Variants in NDOR1 observed in about 807,000 individuals in gnomAD.
NDOR1 encodes NADPH dependent diflavin oxidoreductase 1, also known as NADPH-dependent diflavin oxidoreductase 1.
Under a neutral mutation model 67.2 loss-of-function variants are expected in NDOR1, and 61 were observed. The ratio of observed to expected loss-of-function variants is 0.91; its 90% CI spans 0.74 to 1.12. The LOEUF (loss-of-function observed/expected upper bound fraction) is 1.12, where lower values mean the gene tolerates loss of function less well. Among genes scored for constraint, NDOR1 ranks in the 50% most tolerant of loss-of-function variants. NDOR1 has a pLI of 0.00. For synonymous variants in NDOR1, 378 were observed against 343.7 expected (o/e 1.10, Z -1.10); for missense variants, 878 against 802.8 (o/e 1.09, Z -1.13).
Position 137,214,907 on chromosome 9 carries a change from C to T in NDOR1, c.954C>T (p.Ala318=). Residue 318 remains alanine, a synonymous_variant, in exon 8 of 14, where the codon GCC becomes GCT. Transcript: ENST00000684003. ...GCCGCTCCTTCTTCGAACTCCTGGC[C>T]TGTCTATCCCTCCATGAGCTGGAGC... ...VPRRSFFELL[A]CLSLHELERE... is the part of the protein sequence containing the mutation. 1.9e-6 allele frequency: 3 copies of T among 1,612,942 alleles called. No homozygotes were observed. The highest frequency in any genetic ancestry group is 1.1e-5 in the South Asian group (1 of 91,090).
At position 137,206,292 on chromosome 9, in the gene NDOR1, C is replaced by T. The variant is rs1442067657; in HGVS notation, c.196C>T (p.Pro66Ser). 12 of 1,613,802 alleles carry T rather than the reference C, an allele frequency of 7.4e-6. No homozygotes were observed. The highest frequency in any genetic ancestry group is 1.7e-5 in the Admixed American group (1 of 59,998). Residue 66 changes from proline to serine, a missense_variant, in exon 2 of 14, where the codon CCC becomes TCC. By Grantham distance (74) the Pro-to-Ser change is moderately conservative. Transcript: ENST00000684003. ...FVCATTGQGD[P>S]PDNMKNFWRF... The stretch of plus-strand genomic sequence containing the variant: ...TTGTGCAACTACAGGCCAAGGAGAC[C>T]CCCCTGACAACATGAAGGTAAGGCT...
At chr9:137,211,108 TCCAGCCTGGGCTA>T (rs1478617650) in intron 2 of NDOR1, among the ~76,000 whole-genome samples, 1 of 152,138 alleles carries the variant, frequency 6.6e-6, no homozygotes, top group Non-Finnish European at 1.5e-5. Flanking sequence ...ACCATTGCAC[TCCAGCCTGGGCTA>T]CAGAGTGAGA....
In NDOR1 at chr9:137,216,257, G is replaced by T. The variant is rs370086106; in HGVS notation, c.1650-15G>T. On this transcript the variant is annotated splice_polypyrimidine_tract_variant and intron_variant, in intron 13 of 13. Coordinates refer to ENST00000684003, the MANE Select transcript of NDOR1 (RefSeq NM_014434.4). ...TGCCAGGCCTCATTGCGCCTTCTGC[G>T]ACCTGCCCCTCTAGCAACGCCAAGT... 49 of 1,612,768 alleles carry T rather than the reference G, an allele frequency of 3.0e-5. No individual in the cohort carries two copies. In the African/African-American group the frequency reaches 6.4e-4, roughly 21 times the overall value.
chr9:137,213,953 G>T lies in NDOR1; in HGVS notation c.411-14G>T. The stretch of plus-strand genomic sequence containing the variant: ...GCAGGGTCCGCTCAGGCCAGCGCAC[G>T]TGCTCCCTCCCAGGCCCGACGCTGC... On this transcript the variant is annotated splice_polypyrimidine_tract_variant and intron_variant, in intron 4 of 13. Transcript: ENST00000684003. 6.4e-7 allele frequency: 1 copy of T among 1,569,944 alleles called. No homozygotes were observed. Among genetic ancestry groups the T allele is most frequent in the Non-Finnish European group, 8.6e-7 (1 of 1,158,880 alleles).
chr9:137,211,491 G>A (rs1191784152), intron 2 of NDOR1, among the ~76,000 whole-genome samples: 1 of 152,202 alleles, frequency 6.6e-6, no homozygotes, highest in African/African-American at 2.4e-5. Flanking sequence ...TGCCAGTCGA[G>A]TGAGGGAAAA....
Position 137,212,175 on chromosome 9 carries a change from C to T in NDOR1, c.214-327C>T, listed in dbSNP as rs1753700706. Among the ~76,000 whole-genome samples the T allele has an allele frequency of 6.6e-6, 1 of 152,050 alleles. No homozygotes were observed. The highest frequency in any genetic ancestry group is 2.4e-5 in the African/African-American group (1 of 41,378). On this transcript the variant is annotated intron_variant, in intron 2 of 13. Coordinates refer to ENST00000684003, the MANE Select transcript of NDOR1 (RefSeq NM_014434.4). This position sits in a 1 kb window ranked among gnomAD's most constrained non-coding sequence, Gnocchi z 4.3. ...GACAGTTTGGAGACCAAGTGCAGAGCTGCTCCTGGCAGCTCAGAGCCTGGG... is the reference window on the plus strand; with the variant it reads ...GACAGTTTGGAGACCAAGTGCAGAGTTGCTCCTGGCAGCTCAGAGCCTGGG...
At chr9:137,213,161 C>T (rs1051737091) in intron 3 of NDOR1, among the ~76,000 whole-genome samples, 3 of 152,184 alleles carry the variant, frequency 2.0e-5, no homozygotes, top group Non-Finnish European at 4.4e-5. Context: ...ACGGGAAGAT[C>T]GGAGACAGCT....
chr9:137,218,399 G>A lies in NDOR1; in HGVS notation c.*1983G>A, dbSNP rs984142322. On this transcript the variant is annotated 3_prime_UTR_variant, in exon 14 of 14. Coordinates refer to ENST00000684003, the MANE Select transcript of NDOR1 (RefSeq NM_014434.4). ...GCTGCGCTTCCTGGCAGGGCCCGTG[G>A]GCGGCCGGGGCTGCCTGCCCTTCCT... 2.3e-5 allele frequency: 9 copies of A among 398,476 alleles called. No individual in the cohort carries two copies. The Admixed American group carries it at 2.6e-4, about 12-fold the overall frequency. The allele number at this position is 398,476 out of a possible 1,614,324, so 24.7% of individuals were successfully genotyped here.
chr9:137,214,079 G>T lies in NDOR1; in HGVS notation c.512+11G>T. The T allele has an allele frequency of 8.5e-6, 13 of 1,535,290 alleles. No individual in the cohort carries two copies. The highest frequency in any genetic ancestry group is 1.0e-5 in the Non-Finnish European group (12 of 1,144,322). The stretch of plus-strand genomic sequence containing the variant: ...CCCTCCCGGAGTCCCGTGAGTGTGG[G>T]CCCCGGGTCACCCACAGGCGCAGCA... On this transcript the variant is annotated intron_variant, in intron 5 of 13. Coordinates refer to ENST00000684003, the MANE Select transcript of NDOR1 (RefSeq NM_014434.4).
intron 2 of NDOR1, among the ~76,000 whole-genome samples, chr9:137,210,348 G>A (rs906209812): frequency 2.6e-5 from 4 of 151,980 alleles, no homozygotes; most frequent in Admixed American, 2.6e-4. Context: ...TCAGCCTCCT[G>A]GGTAGCAGGG....
intron 2 of NDOR1, 81 bp downstream of exon 2, chr9:137,206,390 T>A: frequency 1.5e-6 from 2 of 1,376,666 alleles, no homozygotes; most frequent in South Asian, 1.2e-5. Context: ...CTAGGTGCAG[T>A]AAATAGCTCT....
chr9:137,213,906 C>T lies in NDOR1; in HGVS notation c.410+28C>T, dbSNP rs1262413165. ...GAGTCTGCGGGCGTGGTACCCGCCTCCACAGTCTGGTCTGGCCACACGCAG... is the reference window on the plus strand; with the variant it reads ...GAGTCTGCGGGCGTGGTACCCGCCTTCACAGTCTGGTCTGGCCACACGCAG... On this transcript the variant is annotated intron_variant, in intron 4 of 13. Transcript: ENST00000684003. The T allele has an allele frequency of 5.0e-6, 8 of 1,600,274 alleles. 1 individual carries two copies. In the South Asian group the frequency reaches 9.0e-5, roughly 18 times the overall value.
intron 2 of NDOR1, among the ~76,000 whole-genome samples, chr9:137,211,399 A>C (rs1252529514): frequency 6.6e-6 from 1 of 152,028 alleles, no homozygotes; most frequent in African/African-American, 2.4e-5. Context: ...CTGGGGACAG[A>C]GTGCCCTACA....
rs774346059 is a variant in NDOR1, at chr9:137,215,027, G to A, written c.1065+9G>A. On this transcript the variant is annotated intron_variant, in intron 8 of 13. Transcript: ENST00000684003. ...GCAGGACCATCCTGGAGGTGAGATG[G>A]GAGGGCGGCAGGCCCAGCCCCTGAG... is the stretch of plus-strand genomic sequence containing the variant. The A allele has an allele frequency of 1.9e-6, 3 of 1,611,222 alleles. No individual in the cohort carries two copies. The highest frequency in any genetic ancestry group is 1.7e-6 in the Non-Finnish European group (2 of 1,177,910).
Position 137,215,709 on chromosome 9 carries a change from G to A in NDOR1, c.1339G>A (p.Glu447Lys), listed in dbSNP as rs1370161006. Residue 447 changes from glutamate (E) to lysine (K), a missense_variant, in exon 11 of 14, where the codon GAG becomes AAG. By Grantham distance (56) the Glu-to-Lys change is moderately conservative. Coordinates refer to ENST00000684003, the MANE Select transcript of NDOR1 (RefSeq NM_014434.4). The part of the protein sequence containing the change: ...WVRPGSLAFP[E>K]TPDTPVIMVG... ...GCGGCCTGGGAGTCTGGCCTTCCCA[G>A]AGACACCAGACACACCTGTGATCAT... The A allele has an allele frequency of 1.9e-6, 3 of 1,596,792 alleles. No individual in the cohort carries two copies. Among genetic ancestry groups the A allele is most frequent in the African/African-American group, 2.7e-5 (2 of 74,468 alleles).
At position 137,218,460 on chromosome 9, in the gene NDOR1, C is replaced by T; in HGVS notation, c.*2044C>T. On this transcript the variant is annotated 3_prime_UTR_variant, in exon 14 of 14. Coordinates refer to ENST00000684003, the MANE Select transcript of NDOR1 (RefSeq NM_014434.4). ...CCCTGCCTGGGTGCCCGGCTCTGGA[C>T]CCTGCGGGAGCGGGGACCCTGTGCC... 1 of 398,568 alleles carries T rather than the reference C, an allele frequency of 2.5e-6. No individual in the cohort carries two copies. The highest frequency in any genetic ancestry group is 4.4e-6 in the Non-Finnish European group (1 of 226,196). 24.7% of individuals were successfully genotyped at this position (398,568 alleles called of 1,614,324 possible). A position where few individuals can be genotyped will look rare whatever the true frequency, so the allele number is the denominator to read the frequency against.
chr9:137,210,377 C>T (rs1223300086), intron 2 of NDOR1, among the ~76,000 whole-genome samples: 3 of 151,746 alleles, frequency 2.0e-5, no homozygotes, highest in Admixed American at 6.6e-5. Context: ...TGCGCACCAC[C>T]ACATGCAACT....
chr9:137,211,884 C>A (rs376001535), intron 2 of NDOR1, among the ~76,000 whole-genome samples: 1 of 151,774 alleles, frequency 6.6e-6, no homozygotes, highest in Non-Finnish European at 1.5e-5. Flanking sequence ...CTTGGGGGGG[C>A]CTCTGATCAA....
In NDOR1 at chr9:137,205,858, G is replaced by C. The variant is rs750237086; in HGVS notation, c.81G>C (p.Glu27Asp). ...ATGTGTCGGAGAGACTGGGTCGCGA[G>C]GCCCGGCGCCGGCGGCTTGGCTGCC... The part of the protein sequence containing the change: ...AQDVSERLGR[E>D]ARRRRLGCRV... The change falls in exon 1 of 14, where the codon GAG becomes GAC. Residue 27 changes from glutamate (E) to aspartate (D), a missense_variant. By Grantham distance (45) the Glu-to-Asp change is conservative. Coordinates refer to ENST00000684003, the MANE Select transcript of NDOR1 (RefSeq NM_014434.4). 8 of 1,602,176 alleles carry C rather than the reference G, an allele frequency of 5.0e-6. No individual in the cohort carries two copies. In the South Asian group the frequency reaches 8.8e-5, roughly 18 times the overall value.
Sources: allele counts gnomAD v4.1 joint callset (sites outside exome capture counted in the v4.1 genomes callset), GRCh38; gene constraint gnomAD v4.1.1; non-coding constraint Gnocchi (gnomAD v3.1); transcripts MANE v1.5; gene names NCBI Gene and HGNC (gene_info 2026-07-23, HGNC 2026-07-21).